The following MTBP variants were observed in gnomAD, a reference collection of about 807,000 sequenced individuals.
The protein encoded by MTBP is MDM2 binding protein, also known as mdm2-binding protein.
MTBP carries 101 observed loss-of-function variants against 117.0 expected under a neutral mutation model. The observed-to-expected ratio is 0.86, with a 90% CI of 0.73 to 1.02. MTBP has a LOEUF of 1.02. Ranked by LOEUF, MTBP falls within the 50% of genes least tolerant of loss-of-function variation. The pLI, the probability that MTBP is intolerant of heterozygous loss-of-function variation, is 0.00. For synonymous variants in MTBP, 350 were observed against 351.5 expected (o/e 1.00, Z 0.05); for missense variants, 970 against 1,030.9 (o/e 0.94, Z 0.81).
At chr8:120,470,657 G>A (rs1268598590) in intron 10 of MTBP, among the ~76,000 whole-genome samples, 163 bp from the exon 11 acceptor site, 1 of 152,054 alleles carries the variant, frequency 6.6e-6, no homozygotes, top group Non-Finnish European at 1.5e-5. Context: ...ACAGAGGGTG[G>A]GCCATTGTTC....
chr8:120,463,360 T>C (rs1442939468), intron 9 of MTBP, among the ~76,000 whole-genome samples: 2 of 152,142 alleles, frequency 1.3e-5, no homozygotes, highest in Non-Finnish European at 2.9e-5. Context: ...ACATTTTATA[T>C]AAAAAGAAAT....
At chr8:120,506,640 TTTG>T in intron 15 of MTBP, 63 bp from the exon 16 acceptor site, 3 of 1,273,432 alleles carry the variant, frequency 2.4e-6, no homozygotes, top group Non-Finnish European at 2.1e-6. Context: ...TTTTTTTTTT[TTTG>T]ACTCTGGCTT....
chr8:120,523,205 C>A, intron 21 of MTBP, 93 bp from the exon 22 acceptor site: 1 of 817,066 alleles, frequency 1.2e-6, no homozygotes, highest in South Asian at 1.7e-5. Flanking sequence ...TTGAAATTTT[C>A]TACCATGTTC....
Position 120,445,687 on chromosome 8 carries a change from T to C in MTBP, c.118+99T>C. 3.2e-6 allele frequency: 3 copies of C among 940,426 alleles called. No individual in the cohort carries two copies. In the East Asian group the frequency reaches 7.7e-5, roughly 24 times the overall value. The allele number at this position is 940,426 out of a possible 1,614,324, so 58.3% of individuals were successfully genotyped here. A position where few individuals can be genotyped will look rare whatever the true frequency, so the allele number is the denominator to read the frequency against. On this transcript the variant is annotated intron_variant, in intron 1 of 21. Coordinates refer to ENST00000305949, the MANE Select transcript of MTBP (RefSeq NM_022045.5). ...CTGCTGAAGAGGGATCAATATGTAGTTGTCCCACGAAGCTGGGACTCTATC... is the reference window on the plus strand; with the variant it reads ...CTGCTGAAGAGGGATCAATATGTAGCTGTCCCACGAAGCTGGGACTCTATC...
At chr8:120,522,367 C>T (rs966188600) in intron 20 of MTBP, among the ~76,000 whole-genome samples, 2 of 150,986 alleles carry the variant, frequency 1.3e-5, no homozygotes, top group African/African-American at 2.4e-5. Context: ...TGGATGCTCA[C>T]GGTGGAGGGT....
chr8:120,488,140 G>A lies in MTBP; in HGVS notation c.1166-19G>A. ...TGCTGAATTTTCACATACTTAACAAGATAATTGTTTTTGTTTAGTTCCAGA... is the reference window on the plus strand; with the variant it reads ...TGCTGAATTTTCACATACTTAACAAAATAATTGTTTTTGTTTAGTTCCAGA... On this transcript the variant is annotated intron_variant, in intron 11 of 21. Coordinates refer to ENST00000305949, the MANE Select transcript of MTBP (RefSeq NM_022045.5). The A allele has an allele frequency of 6.4e-7, 1 of 1,567,084 alleles. No individual in the cohort carries two copies. The highest frequency in any genetic ancestry group is 2.0e-5 in the Admixed American group (1 of 51,248).
Position 120,497,376 on chromosome 8 carries a change from A to G in MTBP, c.1448-17A>G, listed in dbSNP as rs750356024. 9.5e-6 allele frequency: 15 copies of G among 1,584,476 alleles called. No individual in the cohort carries two copies. Among genetic ancestry groups the G allele is most frequent in the Non-Finnish European group, 1.2e-5 (14 of 1,170,838 alleles). On this transcript the variant is annotated splice_polypyrimidine_tract_variant and intron_variant, in intron 13 of 21. Transcript: ENST00000305949. ...AGAGAATACAAAATAAGTCAATTGT[A>G]TTGATTTGTCTTATAGAAAGACGAA...
At chr8:120,490,181 A>T (rs1586959658) in intron 12 of MTBP, among the ~76,000 whole-genome samples, 1 of 152,328 alleles carries the variant, frequency 6.6e-6, no homozygotes, top group African/African-American at 2.4e-5. Context: ...ATTTCTGATC[A>T]GGTAGAAGAA....
intron 2 of MTBP, among the ~76,000 whole-genome samples, chr8:120,447,296 G>C (rs929230109): frequency 5.9e-5 from 9 of 151,644 alleles, no homozygotes; most frequent in East Asian, 1.9e-4. Context: ...CTTGTCTCTC[G>C]GTGTCAAATA....
chr8:120,449,591 T>A (rs1323038118), intron 2 of MTBP, among the ~76,000 whole-genome samples: 1 of 152,036 alleles, frequency 6.6e-6, no homozygotes, highest in African/African-American at 2.4e-5. Flanking sequence ...AGATGTCAGG[T>A]GAAGGCATGA....
intron 9 of MTBP, 134 bp from the exon 10 acceptor site, chr8:120,463,558 G>C: frequency 3.1e-6 from 2 of 641,702 alleles, no homozygotes; most frequent in Non-Finnish European, 5.2e-6. Flanking sequence ...AGGCGTAATT[G>C]TTAACTGCTA....
At chr8:120,518,247 G>A in intron 19 of MTBP, 147 bp downstream of exon 19, 1 of 887,696 alleles carries the variant, frequency 1.1e-6, no homozygotes, top group Non-Finnish European at 1.6e-6. Flanking sequence ...TAGGAAAGTA[G>A]GTGGGGATAT....
intron 11 of MTBP, among the ~76,000 whole-genome samples, chr8:120,475,741 AT>A (rs1373290471): frequency 6.6e-6 from 1 of 152,056 alleles, no homozygotes; most frequent in African/African-American, 2.4e-5. Flanking sequence ...AGTCAACCTT[AT>A]TACATTTCAA....
At chr8:120,482,857 G>A (rs1462393890) in intron 11 of MTBP, among the ~76,000 whole-genome samples, 2 of 151,646 alleles carry the variant, frequency 1.3e-5, no homozygotes, top group African/African-American at 4.8e-5. Flanking sequence ...ATGCCACCAC[G>A]CCCAGCTAAT....
Position 120,523,329 on chromosome 8 carries a change from A to C in MTBP, c.2708A>C (p.Lys903Thr). The stretch of plus-strand genomic sequence containing the variant: ...GACTGGGTATTAGAAAAGACAAGCA[A>C]GAAATGATACATAATCATTCTCTTT... ...VIDWVLEKTS[K>T]K Residue 903 changes from lysine to threonine, a missense_variant, in exon 22 of 22, where the codon AAG becomes ACG. Coordinates refer to ENST00000305949, the MANE Select transcript of MTBP (RefSeq NM_022045.5). 1.3e-6 allele frequency: 2 copies of C among 1,548,932 alleles called. No individual in the cohort carries two copies. Among genetic ancestry groups the C allele is most frequent in the Non-Finnish European group, 1.8e-6 (2 of 1,137,608 alleles).
chr8:120,508,187 T>C (rs1477084637), intron 16 of MTBP, among the ~76,000 whole-genome samples: 1 of 152,188 alleles, frequency 6.6e-6, no homozygotes, highest in Non-Finnish European at 1.5e-5. Flanking sequence ...TATGCTCTTA[T>C]TAAATGTTTA....
At chr8:120,506,986 A>G (rs35275674) in intron 16 of MTBP, 125 bp downstream of exon 16, 110,087 of 757,614 alleles carry the variant, frequency 0.15, 8,718 homozygotes, top group East Asian at 0.17. Flanking sequence ...TTTGATCCCA[A>G]TGTTTGTCTG....
rs183822788 is a variant in MTBP, at chr8:120,451,241, C to A, written c.344C>A (p.Thr115Lys). The change falls in exon 4 of 22, where the codon ACG (threonine) becomes AAG (lysine). Residue 115 changes from threonine to lysine, a missense_variant. By Grantham distance (78) the Thr-to-Lys change is moderately conservative. Coordinates refer to ENST00000305949, the MANE Select transcript of MTBP (RefSeq NM_022045.5). ...EKDKIEDVLQ[T>K]NIEECLGAVE... ...GATAAAATTGAAGATGTTCTTCAAACGAATATCGAAGAATGTTTGGGTGCT... is the reference window on the plus strand; with the variant it reads ...GATAAAATTGAAGATGTTCTTCAAAAGAATATCGAAGAATGTTTGGGTGCT... 1 of 1,609,956 alleles carries A rather than the reference C, an allele frequency of 6.2e-7. No individual in the cohort carries two copies. Among genetic ancestry groups the A allele is most frequent in the Non-Finnish European group, 8.5e-7 (1 of 1,176,806 alleles).
At chr8:120,499,809 C>G (rs1407082863) in intron 14 of MTBP, among the ~76,000 whole-genome samples, 3 of 152,150 alleles carry the variant, frequency 2.0e-5, no homozygotes, top group Non-Finnish European at 2.9e-5. Flanking sequence ...TTGACAAAGT[C>G]AAATGTGATA....
Sources: allele counts gnomAD v4.1 joint callset (sites outside exome capture counted in the v4.1 genomes callset), GRCh38; gene constraint gnomAD v4.1.1; transcripts MANE v1.5; gene names NCBI Gene and HGNC (gene_info 2026-07-23, HGNC 2026-07-21).